Variants in RAPGEF2 observed in about 807,000 individuals in gnomAD.
The protein encoded by RAPGEF2 is PDZ domain containing guanine nucleotide exchange factor (GEF) 1.
In RAPGEF2, 54 loss-of-function variants were observed where a neutral mutation model predicts 186.7. That is an observed-to-expected ratio of 0.29 (90% CI 0.23 to 0.36). The LOEUF is 0.36. Ranked by LOEUF, RAPGEF2 falls within the 10% of genes least tolerant of loss-of-function variation. RAPGEF2 has a pLI of 1.00. For synonymous variants in RAPGEF2, 712 were observed against 705.9 expected, an observed-to-expected ratio of 1.01 and a Z score of -0.14; for missense variants, 1,532 against 2,045.0, an observed-to-expected ratio of 0.75 and a Z score of 4.84.
At chr4:159,288,891 A>G (rs1760837212) in intron 7 of RAPGEF2, among the ~76,000 whole-genome samples, 1 of 151,718 alleles carries the variant, frequency 6.6e-6, no homozygotes, top group East Asian at 1.9e-4. Context: ...CTTTGGCTGG[A>G]TCCTTTGTAT....
intron 19 of RAPGEF2, among the ~76,000 whole-genome samples, chr4:159,340,047 ATAAG>A (rs746373473): frequency 6.6e-5 from 10 of 152,230 alleles, no homozygotes; most frequent in Non-Finnish European, 1.3e-4. Flanking sequence ...TCAAGTCACA[ATAAG>A]TAAGTGCAAG....
At chr4:159,239,859 A>C (rs906107602) in intron 5 of RAPGEF2, among the ~76,000 whole-genome samples, 3 of 152,230 alleles carry the variant, frequency 2.0e-5, no homozygotes, top group African/African-American at 7.2e-5. Flanking sequence ...TAAAGTATTT[A>C]GTAAACAATT....
intron 17 of RAPGEF2, among the ~76,000 whole-genome samples, chr4:159,337,105 T>C (rs999859888): frequency 2.0e-5 from 3 of 152,238 alleles, no homozygotes; most frequent in South Asian, 4.1e-4. Flanking sequence ...TAAATGGAAA[T>C]GAGTTTGTCA....
chr4:159,304,692 C>CT (rs1270275690), intron 8 of RAPGEF2, among the ~76,000 whole-genome samples: 2 of 148,724 alleles, frequency 1.3e-5, no homozygotes, highest in South Asian at 2.1e-4. Context: ...CAAAGTGTTC[C>CT]TTTTTTTATT....
At chr4:159,306,858 A>T (rs1023049776) in intron 8 of RAPGEF2, among the ~76,000 whole-genome samples, 3 of 152,174 alleles carry the variant, frequency 2.0e-5, no homozygotes, top group Non-Finnish European at 2.9e-5. Flanking sequence ...TTGTGTTTTT[A>T]AAAAATTATT....
At chr4:159,123,147 A>G (rs1353681583) in intron 1 of RAPGEF2, among the ~76,000 whole-genome samples, 2 of 152,186 alleles carry the variant, frequency 1.3e-5, no homozygotes, top group Non-Finnish European at 2.9e-5. Flanking sequence ...ACAGTAGGCT[A>G]TTAGTAGCTA....
chr4:159,346,825 C>T lies in RAPGEF2; in HGVS notation c.3539C>T (p.Ser1180Phe). 1 of 1,614,158 alleles carries T rather than the reference C, an allele frequency of 6.2e-7. No homozygotes were observed. The highest frequency in any genetic ancestry group is 8.5e-7 in the Non-Finnish European group (1 of 1,180,016). The change falls in exon 25 of 30, where the codon TCC becomes TTC. Residue 1180 changes from serine to phenylalanine, a missense_variant. Physicochemically the swap from Ser to Phe is radical, Grantham distance 155. This residue lies in a region of RAPGEF2 where 117 missense variants were observed against 180.8 expected (regional missense o/e 0.65). Coordinates refer to ENST00000691494, the MANE Select transcript of RAPGEF2 (RefSeq NM_001394067.2). Reference protein sequence around the residue: ...KNPGDKKPVKSETSPVAPRAG... With the variant: ...KNPGDKKPVKFETSPVAPRAG... ...CCTGGTGACAAAAAGCCTGTCAAATCCGAGACCTCTCCAGTAGCTCCAAGG... is the reference window on the plus strand; with the variant it reads ...CCTGGTGACAAAAAGCCTGTCAAATTCGAGACCTCTCCAGTAGCTCCAAGG...
At chr4:159,307,878 C>T (rs1579869300) in intron 8 of RAPGEF2, among the ~76,000 whole-genome samples, 2 of 151,994 alleles carry the variant, frequency 1.3e-5, no homozygotes, top group African/African-American at 4.8e-5. Context: ...GGCTGAGGCA[C>T]GAGAATCTCT....
At chr4:159,123,619 C>T (rs1457618804) in intron 1 of RAPGEF2, among the ~76,000 whole-genome samples, 12 of 147,548 alleles carry the variant, frequency 8.1e-5, no homozygotes, top group African/African-American at 3.0e-4. Flanking sequence ...GCTGGGTTCA[C>T]GCCATTCTCC....
At chr4:159,113,900 A>G (rs577554739) in intron 1 of RAPGEF2, among the ~76,000 whole-genome samples, 3 of 152,100 alleles carry the variant, frequency 2.0e-5, no homozygotes, top group African/African-American at 7.2e-5. Context: ...GAAAGCACAC[A>G]CACACATAAT....
intron 6 of RAPGEF2, among the ~76,000 whole-genome samples, chr4:159,241,853 A>T (rs770836621): frequency 1.2e-4 from 19 of 152,132 alleles, no homozygotes; most frequent in Non-Finnish European, 2.5e-4. Flanking sequence ...ATATGTAAAA[A>T]TTACATTATT....
chr4:159,358,591 T>C lies in RAPGEF2; in HGVS notation c.*452T>C, dbSNP rs1357589868. The C allele has an allele frequency of 1.9e-5, 3 of 159,616 alleles. No individual in the cohort carries two copies. The highest frequency in any genetic ancestry group is 4.1e-5 in the Non-Finnish European group (3 of 73,436). 9.9% of individuals were successfully genotyped at this position (159,616 alleles called of 1,614,324 possible). On this transcript the variant is annotated 3_prime_UTR_variant, in exon 30 of 30. Coordinates refer to ENST00000691494, the MANE Select transcript of RAPGEF2 (RefSeq NM_001394067.2). Reference sequence around the variant, plus strand: ...TAGCCATTGAACTACTTGGGGCCTTTAACCCACCAAGGAAGACAAAGAAAA... The same window carrying C: ...TAGCCATTGAACTACTTGGGGCCTTCAACCCACCAAGGAAGACAAAGAAAA...
intron 8 of RAPGEF2, among the ~76,000 whole-genome samples, chr4:159,310,654 A>G (rs1357072208): frequency 6.6e-6 from 1 of 152,152 alleles, no homozygotes; most frequent in Non-Finnish European, 1.5e-5. Context: ...TCACTATTTA[A>G]ATATTAATGG....
intron 1 of RAPGEF2, among the ~76,000 whole-genome samples, chr4:159,149,987 C>T (rs1743358409): frequency 6.7e-6 from 1 of 148,338 alleles, no homozygotes; most frequent in South Asian, 2.2e-4. Flanking sequence ...GCCCTGTAAT[C>T]TAAGTTGTTT....
At chr4:159,241,468 TTA>T (rs930120519) in intron 6 of RAPGEF2, 100 bp downstream of exon 6, 116 of 515,566 alleles carry the variant, frequency 2.2e-4, no homozygotes, top group Middle Eastern at 5.7e-4. Flanking sequence ...ATCTTTTCAA[TTA>T]TATATATATA....
chr4:159,210,672 G>C, intron 4 of RAPGEF2, 89 bp downstream of exon 4: 2 of 953,124 alleles, frequency 2.1e-6, no homozygotes, highest in Non-Finnish European at 1.6e-6. Flanking sequence ...CTCTTCCTGT[G>C]TTCTCTTCTG....
intron 7 of RAPGEF2, among the ~76,000 whole-genome samples, chr4:159,270,829 G>C (rs1758034699): frequency 6.6e-6 from 1 of 152,102 alleles, no homozygotes; most frequent in Non-Finnish European, 1.5e-5. Flanking sequence ...ATACTAAGAT[G>C]AATACCCATG....
At chr4:159,144,648 C>T (rs975887511) in intron 1 of RAPGEF2, among the ~76,000 whole-genome samples, 1 of 152,116 alleles carries the variant, frequency 6.6e-6, no homozygotes, top group South Asian at 2.1e-4. Flanking sequence ...TACCCATGTA[C>T]TTGTAGCCTG....
chr4:159,200,058 C>A (rs181090544), intron 3 of RAPGEF2, among the ~76,000 whole-genome samples: 47 of 152,126 alleles, frequency 3.1e-4, no homozygotes, highest in Admixed American at 2.2e-3. Flanking sequence ...CTCTCTCTCT[C>A]TCTATATATA....
Sources: allele counts gnomAD v4.1 joint callset (sites outside exome capture counted in the v4.1 genomes callset), GRCh38; gene constraint gnomAD v4.1.1; regional missense constraint gnomAD v4.1.1; transcripts MANE v1.5; gene names NCBI Gene and HGNC (gene_info 2026-07-23, HGNC 2026-07-21).